The following RALGDS variants were observed in gnomAD, a reference collection of about 807,000 sequenced individuals.
RALGDS encodes the protein ral guanine nucleotide dissociation stimulator.
Under a neutral mutation model 99.8 loss-of-function variants are expected in RALGDS, and 44 were observed. The ratio of observed to expected loss-of-function variants is 0.44; its 90% confidence interval spans 0.35 to 0.57. The LOEUF is 0.57. Among genes scored for constraint, RALGDS ranks in the 20% least tolerant of loss-of-function variants. The probability of loss-of-function intolerance (pLI) is 0.01; values close to 1 mark genes in which losing one functional copy is unlikely to be tolerated. For synonymous variants in RALGDS, 529 were observed against 505.0 expected, an observed-to-expected ratio of 1.05 and a Z score of -0.64; for missense variants, 1,022 against 1,203.1, an observed-to-expected ratio of 0.85 and a Z score of 2.23.
upstream of RALGDS, chr9:133,131,130 C>A: frequency 1.4e-6 from 2 of 1,442,218 alleles, no homozygotes; most frequent in Non-Finnish European, 1.8e-6. Context: ...CCCAGCAGCA[C>A]CTCGCTCCCA....
chr9:133,108,134 G>T lies in RALGDS; in HGVS notation c.1051C>A (p.Leu351Met). ...QDPAPSQTLE[L>M]EPAPAPVPSL... is the part of the protein sequence containing the mutation. ...GGAACTGGTGCTGGAGCTGGCTCCA[G>T]CTCTAGAGTTTGTGAGGGAGCTGGA... Residue 351 changes from leucine (L) to methionine (M), a missense_variant, in exon 6 of 18, where the codon CTG (leucine) becomes ATG (methionine). Leu to Met is a conservative substitution (Grantham distance 15). Transcript: ENST00000372050. The T allele has an allele frequency of 6.2e-7, 1 of 1,610,970 alleles. No homozygotes were observed. Among genetic ancestry groups the T allele is most frequent in the South Asian group, 1.1e-5 (1 of 90,968 alleles).
In RALGDS at chr9:133,108,937, G is replaced by A. The variant is rs375542708; in HGVS notation, c.585-71C>T. 2.8e-6 allele frequency: 4 copies of A among 1,453,880 alleles called. No homozygotes were observed. The African/African-American group carries it at 4.2e-5, about 15-fold the overall frequency. 90.1% of individuals were successfully genotyped at this position (1,453,880 alleles called of 1,614,324 possible). ...TGAGCCAGGCTGGGCTCCTGAGCCG[G>A]CCCCTGTCCATCTGAAGGCCACCTG... On this transcript the variant is annotated intron_variant, in intron 4 of 17. Transcript: ENST00000372050.
rs371196876 is a variant in RALGDS at position 133,108,921 on chromosome 9, C to A, written c.585-55G>T. 1.4e-5 allele frequency: 22 copies of A among 1,523,198 alleles called. 1 individual carries two copies. Among genetic ancestry groups the A allele is most frequent in the African/African-American group, 1.4e-4 (10 of 72,860 alleles). 94.4% of individuals were successfully genotyped at this position (1,523,198 alleles called of 1,614,324 possible). ...GAGGCCTGGGCTCCCCTGAGCCAGG[C>A]TGGGCTCCTGAGCCGGCCCCTGTCC... On this transcript the variant is annotated intron_variant, in intron 4 of 17. Coordinates refer to ENST00000372050, the MANE Select transcript of RALGDS (RefSeq NM_006266.4).
rs1230826328 is a variant in RALGDS at position 133,102,591 on chromosome 9, G to A, written c.1914-20C>T. 2 of 1,612,672 alleles carry A rather than the reference G, an allele frequency of 1.2e-6. No homozygotes were observed. The highest frequency in any genetic ancestry group is 1.7e-6 in the Non-Finnish European group (2 of 1,178,926). On this transcript the variant is annotated intron_variant, in intron 13 of 17. Transcript: ENST00000372050. ...TTGTAGCTATGAGCAGAGGGGCAGT[G>A]GTGTGACAACCAGGGGCCATGCTCC...
chr9:133,141,371 T>C (rs1451944910), intron 1 of RALGDS, among the ~76,000 whole-genome samples: 2 of 152,190 alleles, frequency 1.3e-5, no homozygotes, highest in Admixed American at 6.5e-5. Flanking sequence ...ACACCCCTCA[T>C]CCATGTTCTC....
Position 133,102,903 on chromosome 9 carries a change from G to A in RALGDS, c.1792-3C>T, listed in dbSNP as rs1400961466. 4 of 1,612,848 alleles carry A rather than the reference G, an allele frequency of 2.5e-6. No individual in the cohort carries two copies. Among genetic ancestry groups the A allele is most frequent in the Non-Finnish European group, 3.4e-6 (4 of 1,179,932 alleles). The stretch of plus-strand genomic sequence containing the variant: ...ATCTGGGCGATCACCTCGAACTCCT[G>A]GGGCCAGAGGGAAGCACAGGGCGGT... On this transcript the variant is annotated splice_polypyrimidine_tract_variant and splice_region_variant and intron_variant, in intron 12 of 17. Coordinates refer to ENST00000372050, the MANE Select transcript of RALGDS (RefSeq NM_006266.4).
chr9:133,100,235 C>T, intron 17 of RALGDS, 33 bp downstream of exon 17: 4 of 1,592,024 alleles, frequency 2.5e-6, no homozygotes, highest in Non-Finnish European at 3.4e-6. Context: ...GGACCTGCCC[C>T]CTCTGCCATC....
intron 1 of RALGDS, among the ~76,000 whole-genome samples, chr9:133,119,061 T>C (rs1357289677): frequency 6.6e-6 from 1 of 152,210 alleles, no homozygotes; most frequent in Non-Finnish European, 1.5e-5. Context: ...GCTGGGTCAT[T>C]GGTGGCTTGG....
At chr9:133,126,439 G>A (rs567560667) in intron 1 of RALGDS, among the ~76,000 whole-genome samples, 92 of 152,352 alleles carry the variant, frequency 6.0e-4, no homozygotes, top group Non-Finnish European at 9.6e-4. Context: ...ACAGTAAAAG[G>A]TCAGGCGACT....
chr9:133,131,922 C>G (rs912881781), upstream of RALGDS, among the ~76,000 whole-genome samples: 1 of 152,208 alleles, frequency 6.6e-6, no homozygotes. Flanking sequence ...CCGTGCTTGG[C>G]GGATGTGCAA....
chr9:133,112,938 G>A (rs1831421872), intron 1 of RALGDS, among the ~76,000 whole-genome samples: 1 of 152,216 alleles, frequency 6.6e-6, no homozygotes, highest in African/African-American at 2.4e-5. Flanking sequence ...GTTCCACAGA[G>A]CCCTAAACCA....
At chr9:133,145,363 C>T (rs544010917) in intron 1 of RALGDS, among the ~76,000 whole-genome samples, 6 of 152,192 alleles carry the variant, frequency 3.9e-5, no homozygotes, top group South Asian at 4.2e-4. Context: ...GGCAACTCCC[C>T]GGATTCTTGT....
At chr9:133,113,343 C>T (rs957829139) in intron 1 of RALGDS, among the ~76,000 whole-genome samples, 10 of 152,188 alleles carry the variant, frequency 6.6e-5, no homozygotes, top group African/African-American at 2.2e-4. Context: ...GTGGACGGGA[C>T]CCTGGCCTCC....
upstream of RALGDS, among the ~76,000 whole-genome samples, chr9:133,135,261 T>C (rs1013818636): frequency 4.0e-5 from 6 of 151,468 alleles, no homozygotes; most frequent in Admixed American, 6.6e-5. Context: ...CACCCTGGAG[T>C]GGGGAGAGAA....
At chr9:133,106,148 T>C in intron 8 of RALGDS, 132 bp from the exon 9 acceptor site, 1 of 714,094 alleles carries the variant, frequency 1.4e-6, no homozygotes. Context: ...CCCAGAGCAC[T>C]AACGCTCTGC....
upstream of RALGDS, among the ~76,000 whole-genome samples, chr9:133,124,167 CAG>C (rs1287609680): frequency 6.7e-6 from 1 of 148,998 alleles, no homozygotes; most frequent in African/African-American, 2.5e-5. Flanking sequence ...TACATAGAGA[CAG>C]AGACACAGAC....
At chr9:133,122,957 G>T (rs1393786710), upstream of RALGDS, among the ~76,000 whole-genome samples, 1 of 152,048 alleles carries the variant, frequency 6.6e-6, no homozygotes, top group Non-Finnish European at 1.5e-5. Context: ...GCTCGCCTCG[G>T]CCTCCCAAAG....
At chr9:133,100,185 TG>T in intron 17 of RALGDS, 82 bp downstream of exon 17, 2 of 1,276,916 alleles carry the variant, frequency 1.6e-6, no homozygotes, top group Non-Finnish European at 2.3e-6. Flanking sequence ...GTGAATTTTC[TG>T]GGGCCAAAGG....
intron 1 of RALGDS, among the ~76,000 whole-genome samples, chr9:133,143,792 T>TAATAAC (rs1832574467): frequency 8.1e-6 from 1 of 123,206 alleles, no homozygotes; most frequent in African/African-American, 3.1e-5. Flanking sequence ...ACAACAATAA[T>TAATAAC]AATAATAATA....
Sources: allele counts gnomAD v4.1 joint callset (sites outside exome capture counted in the v4.1 genomes callset), GRCh38; gene constraint gnomAD v4.1.1; transcripts MANE v1.5; gene names NCBI Gene and HGNC (gene_info 2026-07-23, HGNC 2026-07-21).